The following OSBPL6 variants were observed in gnomAD, a reference collection of about 807,000 sequenced individuals.
OSBPL6 encodes the protein oxysterol-binding protein-related protein 6.
In OSBPL6, 49 loss-of-function variants were observed where a neutral mutation model predicts 125.8. That is an observed-to-expected ratio of 0.39 (90% CI 0.31 to 0.49). The LOEUF is 0.49. Among genes scored for constraint, OSBPL6 ranks in the 20% least tolerant of loss-of-function variants. The probability of loss-of-function intolerance (pLI) is 0.88; values close to 1 mark genes in which losing one functional copy is unlikely to be tolerated. For synonymous variants in OSBPL6, 394 were observed against 391.8 expected (o/e 1.01, Z -0.07); for missense variants, 986 against 1,135.4 (o/e 0.87, Z 1.89).
chr2:178,370,899 A>G (rs1574995134), intron 13 of OSBPL6, among the ~76,000 whole-genome samples: 1 of 152,236 alleles, frequency 6.6e-6, no homozygotes, highest in African/African-American at 2.4e-5. Context: ...GGGGACCAGG[A>G]TGGAGAGAGG....
chr2:178,348,167 T>C (rs1690904364), intron 11 of OSBPL6, among the ~76,000 whole-genome samples: 2 of 152,076 alleles, frequency 1.3e-5, no homozygotes, highest in African/African-American at 2.4e-5. Flanking sequence ...AAAGAAGAGG[T>C]CCTGACATAC....
intron 1 of OSBPL6, among the ~76,000 whole-genome samples, chr2:178,213,360 A>G (rs989985389): frequency 6.6e-6 from 1 of 152,036 alleles, no homozygotes; most frequent in Admixed American, 6.6e-5. Context: ...GTGCATGCCC[A>G]AAACAGAACC....
At position 178,326,243 on chromosome 2, in the gene OSBPL6, G is replaced by A. The variant is rs146228450; in HGVS notation, c.195+1974G>A. ...CACTCACCCACATACATCTGCAAAC[G>A]TGTGCACATACAGTTTACCCTTCAG... On this transcript the variant is annotated intron_variant, in intron 4 of 24. Transcript: ENST00000190611. 7.4e-3 allele frequency among the ~76,000 whole-genome samples: 1,116 copies of A among 151,800 alleles called. 12 individuals are homozygous for A. Among genetic ancestry groups the A allele is most frequent in the South Asian group, 0.017 (84 of 4,808 alleles).
intron 12 of OSBPL6, among the ~76,000 whole-genome samples, chr2:178,357,271 C>T (rs779353930): frequency 1.8e-4 from 27 of 152,214 alleles, no homozygotes; most frequent in Non-Finnish European, 2.4e-4. Context: ...TTCTGCACAG[C>T]GAAAGAAACT....
chr2:178,379,067 G>A (rs1320145861), intron 15 of OSBPL6, among the ~76,000 whole-genome samples: 1 of 151,928 alleles, frequency 6.6e-6, no homozygotes, highest in Non-Finnish European at 1.5e-5. Context: ...GCTCCTTCAG[G>A]AGGCTGAGGT....
chr2:178,383,858 T>C (rs554409849), intron 17 of OSBPL6, among the ~76,000 whole-genome samples, 181 bp from the exon 18 acceptor site: 1 of 152,358 alleles, frequency 6.6e-6, no homozygotes, highest in East Asian at 1.9e-4. Context: ...TGGTTTTACC[T>C]AATCTTACCT....
chr2:178,280,267 AAAT>A (rs1182041208), intron 1 of OSBPL6, among the ~76,000 whole-genome samples: 1 of 152,300 alleles, frequency 6.6e-6, no homozygotes, highest in East Asian at 1.9e-4. Context: ...TGGCTTTCTA[AAAT>A]AATATATGTC....
chr2:178,272,715 G>A (rs928115600), intron 1 of OSBPL6, among the ~76,000 whole-genome samples: 32 of 152,312 alleles, frequency 2.1e-4, no homozygotes, highest in African/African-American at 7.7e-4. Flanking sequence ...ACTTGTCTGA[G>A]TGCAGGTACT....
At chr2:178,379,272 A>AAAGAAAGAAAGAAAAGAAAGAAAG (rs1287124742) in intron 15 of OSBPL6, among the ~76,000 whole-genome samples, 26 of 125,772 alleles carry the variant, frequency 2.1e-4, no homozygotes, top group Non-Finnish European at 3.7e-4. Context: ...AAAGAAAGAG[A>AAAGAAAGAAAGAAAAGAAAGAAAG]AAGAAAGAAA....
At chr2:178,392,943 A>G (rs1346451247) in intron 23 of OSBPL6, among the ~76,000 whole-genome samples, 1 of 150,452 alleles carries the variant, frequency 6.6e-6, no homozygotes, top group Non-Finnish European at 1.5e-5. Context: ...ATGTATTTTT[A>G]TTCAATCCTT....
chr2:178,307,222 C>A (rs1288452705), intron 3 of OSBPL6, among the ~76,000 whole-genome samples: 1 of 151,994 alleles, frequency 6.6e-6, no homozygotes, highest in Non-Finnish European at 1.5e-5. Flanking sequence ...ATTTGATTGG[C>A]CATCATATAG....
chr2:178,204,334 C>G (rs34556844), intron 1 of OSBPL6, among the ~76,000 whole-genome samples: 1 of 152,144 alleles, frequency 6.6e-6, no homozygotes, highest in Non-Finnish European at 1.5e-5. Context: ...TCACTGAATT[C>G]TTGATGGGAA....
intron 14 of OSBPL6, among the ~76,000 whole-genome samples, 199 bp downstream of exon 14, chr2:178,372,432 CTA>C (rs1693477799): frequency 6.6e-6 from 1 of 152,054 alleles, no homozygotes; most frequent in African/African-American, 2.4e-5. Context: ...TGATCAGTGT[CTA>C]TTTTTATTTA....
chr2:178,267,081 T>C (rs1284029797), intron 1 of OSBPL6, among the ~76,000 whole-genome samples: 1 of 152,040 alleles, frequency 6.6e-6, no homozygotes, highest in Non-Finnish European at 1.5e-5. Context: ...AGGCCAGACA[T>C]GGTAGCTCAT....
In OSBPL6 at chr2:178,194,523, A is replaced by AGATCGCGGCTCGGTGCAGGC. The variant is rs2088734018; in HGVS notation, c.-500_-481dup. The stretch of plus-strand genomic sequence containing the variant: ...TCGCCGCCGCCGCTGTCGGTGCTGG[A>AGATCGCGGCTCGGTGCAGGC]GATCGCGGCTCGGTGCAGGCGGCGC... On this transcript the variant is annotated 5_prime_UTR_variant, in exon 1 of 25. Coordinates refer to ENST00000190611, the MANE Select transcript of OSBPL6 (RefSeq NM_032523.4). The AGATCGCGGCTCGGTGCAGGC allele has an allele frequency of 6.6e-6, 1 of 152,012 alleles. No homozygotes were observed. Among genetic ancestry groups the AGATCGCGGCTCGGTGCAGGC allele is most frequent in the African/African-American group, 2.4e-5 (1 of 41,374 alleles). The allele number at this position is 152,012 out of a possible 1,614,324, so 9.4% of individuals were successfully genotyped here.
At chr2:178,383,954 T>C in intron 17 of OSBPL6, 85 bp from the exon 18 acceptor site, 3 of 1,435,344 alleles carry the variant, frequency 2.1e-6, no homozygotes, top group Admixed American at 3.7e-5. Context: ...CCACATGAGG[T>C]GTGTAAAATC....
chr2:178,353,670 C>G (rs1691501395), intron 12 of OSBPL6, among the ~76,000 whole-genome samples: 1 of 152,196 alleles, frequency 6.6e-6, no homozygotes, highest in Admixed American at 6.5e-5. Flanking sequence ...GGAAAACACT[C>G]TTCAGGATAT....
chr2:178,367,687 G>A (rs1228946964), intron 13 of OSBPL6, among the ~76,000 whole-genome samples: 1 of 152,202 alleles, frequency 6.6e-6, no homozygotes, highest in African/African-American at 2.4e-5. Flanking sequence ...GCATTGGAAA[G>A]GAATTGTGTG....
At chr2:178,356,733 A>T (rs1691827488) in intron 12 of OSBPL6, among the ~76,000 whole-genome samples, 1 of 152,258 alleles carries the variant, frequency 6.6e-6, no homozygotes, top group African/African-American at 2.4e-5. Context: ...AATTGGAAAA[A>T]GCTACTTTAA....
Sources: allele counts gnomAD v4.1 joint callset (sites outside exome capture counted in the v4.1 genomes callset), GRCh38; gene constraint gnomAD v4.1.1; transcripts MANE v1.5; gene names NCBI Gene and HGNC (gene_info 2026-07-23, HGNC 2026-07-21).